Variants in RCBTB1 observed in about 807,000 individuals in gnomAD.
The protein encoded by RCBTB1 is RCC1 and BTB domain containing protein 1, also known as RCC1 and BTB domain-containing protein 1.
In RCBTB1, 46 loss-of-function variants were observed where a neutral mutation model predicts 62.4. The ratio of observed to expected loss-of-function variants is 0.74; its 90% confidence interval spans 0.58 to 0.94. The LOEUF is 0.94. RCBTB1 is among the 40% of genes least tolerant of loss of function. The pLI is 0.00. For synonymous variants in RCBTB1, 222 were observed against 245.8 expected (o/e 0.90, Z 0.91); for missense variants, 565 against 654.9 (o/e 0.86, Z 1.50).
intron 4 of RCBTB1, among the ~76,000 whole-genome samples, chr13:49,560,433 C>CTTAA (rs1566246843): frequency 6.6e-6 from 1 of 152,134 alleles, no homozygotes; most frequent in Non-Finnish European, 1.5e-5. Context: ...TAAGAAAGCT[C>CTTAA]GATGTTAATG....
chr13:49,539,890 A>G (rs531728805), intron 12 of RCBTB1, among the ~76,000 whole-genome samples: 2 of 152,152 alleles, frequency 1.3e-5, no homozygotes, highest in Non-Finnish European at 2.9e-5. Context: ...TTTGATCCCT[A>G]TGTGTGATGA....
chr13:49,540,244 C>T (rs971275565), intron 12 of RCBTB1, among the ~76,000 whole-genome samples: 1 of 152,176 alleles, frequency 6.6e-6, no homozygotes, highest in African/African-American at 2.4e-5. Flanking sequence ...TGAGACAGTT[C>T]CTGCTCACGA....
chr13:49,579,585 C>T (rs997300388), intron 2 of RCBTB1, among the ~76,000 whole-genome samples: 7 of 149,274 alleles, frequency 4.7e-5, no homozygotes, highest in Non-Finnish European at 7.4e-5. Context: ...GATGGTGCCA[C>T]TGCACTCCAG....
chr13:49,584,835 CAGCGTGCTCG>C (rs1270668859), intron 1 of RCBTB1, among the ~76,000 whole-genome samples: 2 of 152,208 alleles, frequency 1.3e-5, no homozygotes, highest in Non-Finnish European at 2.9e-5. Flanking sequence ...GAGCAGAACA[CAGCGTGCTCG>C]ATAGTCATCT....
chr13:49,576,373 T>A (rs995524412), intron 2 of RCBTB1, among the ~76,000 whole-genome samples: 1 of 152,100 alleles, frequency 6.6e-6, no homozygotes, highest in Non-Finnish European at 1.5e-5. Flanking sequence ...ATAATCATCC[T>A]GTGGGCTTTT....
intron 2 of RCBTB1, among the ~76,000 whole-genome samples, chr13:49,569,134 T>C (rs1337147093): frequency 6.6e-6 from 1 of 152,194 alleles, no homozygotes; most frequent in African/African-American, 2.4e-5. Flanking sequence ...GTCTGAACTC[T>C]TCACCTCTCA....
intron 7 of RCBTB1, 140 bp downstream of exon 7, chr13:49,552,038 G>C (rs1961406092): frequency 3.0e-6 from 2 of 665,006 alleles, no homozygotes; most frequent in Non-Finnish European, 5.4e-6. Context: ...AATTAGGGAA[G>C]ATATAATATT....
At chr13:49,568,619 T>C (rs1215365393) in intron 2 of RCBTB1, among the ~76,000 whole-genome samples, 1 of 143,492 alleles carries the variant, frequency 7.0e-6, no homozygotes, top group Non-Finnish European at 1.5e-5. Context: ...ATGAGTGGAG[T>C]TGGATGTCAC....
intron 12 of RCBTB1, among the ~76,000 whole-genome samples, chr13:49,536,934 C>T (rs1369766472): frequency 1.3e-5 from 2 of 152,164 alleles, no homozygotes; most frequent in African/African-American, 4.8e-5. Context: ...AATATATATA[C>T]TCTGAAAATA....
chr13:49,574,647 T>C (rs1025097891), intron 2 of RCBTB1, among the ~76,000 whole-genome samples: 14 of 149,662 alleles, frequency 9.4e-5, no homozygotes, highest in Admixed American at 7.3e-4. Context: ...AAATGTAAGA[T>C]GATACAGCTG....
At chr13:49,551,578 G>A in intron 7 of RCBTB1, 110 bp from the exon 8 acceptor site, 3 of 1,218,658 alleles carry the variant, frequency 2.5e-6, no homozygotes, top group Non-Finnish European at 3.4e-6. Context: ...CATCATCAGG[G>A]GTGGACTGAC....
At chr13:49,534,424 G>T (rs1959776622) in intron 12 of RCBTB1, among the ~76,000 whole-genome samples, 162 bp from the exon 13 acceptor site, 1 of 152,110 alleles carries the variant, frequency 6.6e-6, no homozygotes, top group South Asian at 2.1e-4. Context: ...CCACAGGTAG[G>T]TGTGAGAAAA....
At chr13:49,580,327 G>A (rs1383923253) in intron 2 of RCBTB1, among the ~76,000 whole-genome samples, 178 bp downstream of exon 2, 3 of 152,188 alleles carry the variant, frequency 2.0e-5, no homozygotes, top group African/African-American at 4.8e-5. Context: ...GCTCACACCT[G>A]TAATCCCAGC....
intron 6 of RCBTB1, among the ~76,000 whole-genome samples, chr13:49,553,108 G>C (rs145016785): frequency 0.017 from 2,550 of 152,184 alleles, 70 homozygotes; most frequent in African/African-American, 0.057. Flanking sequence ...CTTGAACCTG[G>C]GAGGCAGAGG....
At chr13:49,546,038 T>C (rs1339252917) in intron 9 of RCBTB1, 5 of 968,130 alleles carry the variant, frequency 5.2e-6, no homozygotes. Flanking sequence ...CTCTCAAAAG[T>C]CAGGCTTCCC....
chr13:49,584,094 GTAT>G (rs1429862196), intron 1 of RCBTB1, among the ~76,000 whole-genome samples: 1 of 152,164 alleles, frequency 6.6e-6, no homozygotes, highest in Non-Finnish European at 1.5e-5. Flanking sequence ...CCCAGCTCCC[GTAT>G]ATTAGGTGGA....
chr13:49,548,194 A>T (rs909480073), intron 9 of RCBTB1, among the ~76,000 whole-genome samples: 1 of 151,894 alleles, frequency 6.6e-6, no homozygotes, highest in Non-Finnish European at 1.5e-5. Flanking sequence ...GTTCCTGACC[A>T]GCCTGATCAA....
intron 5 of RCBTB1, among the ~76,000 whole-genome samples, chr13:49,559,457 C>G (rs4941645): frequency 9.9e-5 from 15 of 151,720 alleles, no homozygotes; most frequent in Non-Finnish European, 2.9e-5. Flanking sequence ...GAGATCGAGA[C>G]CATCCTGGCT....
At chr13:49,575,743 G>T (rs1171169520) in intron 2 of RCBTB1, among the ~76,000 whole-genome samples, 1 of 152,072 alleles carries the variant, frequency 6.6e-6, no homozygotes, top group Admixed American at 6.5e-5. Flanking sequence ...TACTACAGGG[G>T]CAGGGAGGGA....
Sources: gnomAD v4.1 joint callset for allele counts (sites outside exome capture counted in the v4.1 genomes callset) on GRCh38, gnomAD v4.1.1 for gene constraint, MANE v1.5 for transcripts, NCBI Gene and HGNC (gene_info 2026-07-23, HGNC 2026-07-21) for gene names.